The following PCDHA3 variants were observed in gnomAD, a reference collection of about 807,000 sequenced individuals.
The protein encoded by PCDHA3 is protocadherin alpha 3.
In PCDHA3, 41 loss-of-function variants were observed where a neutral mutation model predicts 62.2. That is an observed-to-expected ratio of 0.66 (90% CI 0.51 to 0.86). The LOEUF (loss-of-function observed/expected upper bound fraction) is 0.86. Among genes scored for constraint, PCDHA3 ranks in the 40% least tolerant of loss-of-function variants. PCDHA3 has a pLI of 0.00. For synonymous variants in PCDHA3, 640 were observed against 555.4 expected (o/e 1.15, Z -2.14); for missense variants, 1,304 against 1,241.2 (o/e 1.05, Z -0.76).
rs2150163001 is a variant in PCDHA3 at position 140,829,146 on chromosome 5, T to G, written c.2394+25555T>G. The G allele has an allele frequency of 1.9e-6, 3 of 1,613,730 alleles. No individual in the cohort carries two copies. Among genetic ancestry groups the G allele is most frequent in the Non-Finnish European group, 1.7e-6 (2 of 1,179,704 alleles). ...AATGATAACGTCCCTGAGATAGCAC[T>G]GACTTCCTTATCCTTGCCTGTACGT... On this transcript the variant is annotated intron_variant, in intron 1 of 3. Coordinates refer to ENST00000522353, the MANE Select transcript of PCDHA3 (RefSeq NM_018906.3).
intron 1 of PCDHA3, chr5:140,808,556 C>A: frequency 1.2e-6 from 2 of 1,614,130 alleles, no homozygotes; most frequent in Admixed American, 3.3e-5. Flanking sequence ...GGCGTTCGCG[C>A]AGCCCGAGTA....
At chr5:140,960,785 A>C (rs1452809407) in intron 1 of PCDHA3, among the ~76,000 whole-genome samples, 2 of 152,200 alleles carry the variant, frequency 1.3e-5, no homozygotes, top group Admixed American at 1.3e-4. Context: ...AGGGCCAAAC[A>C]AGGTTTCTAT....
intron 1 of PCDHA3, chr5:140,813,568 T>G (rs1459643062): frequency 6.6e-6 from 1 of 152,268 alleles, no homozygotes; most frequent in Non-Finnish European, 1.5e-5. Context: ...GAATGGAGAC[T>G]GCGGGGCTGG....
At chr5:140,825,959 T>C (rs1434784676) in intron 1 of PCDHA3, 5 of 152,496 alleles carry the variant, frequency 3.3e-5, no homozygotes, top group African/African-American at 1.2e-4. Context: ...ATTTGTCTAC[T>C]CTTTTGAGGG....
At chr5:140,946,345 G>A (rs1292610586) in intron 1 of PCDHA3, among the ~76,000 whole-genome samples, 1 of 151,836 alleles carries the variant, frequency 6.6e-6, no homozygotes, top group Non-Finnish European at 1.5e-5. Flanking sequence ...GTGATGGAGA[G>A]GATGTGGAGA....
intron 1 of PCDHA3, chr5:140,858,795 C>A: frequency 2.6e-6 from 1 of 379,570 alleles, no homozygotes; most frequent in Non-Finnish European, 4.8e-6. Context: ...ATTTCATTTC[C>A]AATCTAAATT....
chr5:140,805,306 T>TC, intron 1 of PCDHA3: 1 of 1,274,934 alleles, frequency 7.8e-7, no homozygotes, highest in Non-Finnish European at 9.9e-7. Flanking sequence ...GAATTCTTCC[T>TC]CCTTTTTTCC....
At chr5:140,957,189 G>T (rs1376112973) in intron 1 of PCDHA3, among the ~76,000 whole-genome samples, 1 of 152,174 alleles carries the variant, frequency 6.6e-6, no homozygotes, top group South Asian at 2.1e-4. Context: ...ATTGATGACC[G>T]ATTGGGAATA....
At chr5:140,909,065 A>G (rs1402526950) in intron 1 of PCDHA3, among the ~76,000 whole-genome samples, 3 of 152,218 alleles carry the variant, frequency 2.0e-5, no homozygotes, top group Admixed American at 6.5e-5. Flanking sequence ...TGTCTCACCA[A>G]TAAGCCCAGT....
chr5:140,817,546 C>T (rs1334430730), intron 1 of PCDHA3: 1 of 152,194 alleles, frequency 6.6e-6, no homozygotes, highest in East Asian at 1.9e-4. Context: ...TTATAACACA[C>T]ATCCTTGACT....
At chr5:140,948,903 CTTAGGTAACTGA>C (rs1213410342) in intron 1 of PCDHA3, among the ~76,000 whole-genome samples, 1 of 151,196 alleles carries the variant, frequency 6.6e-6, no homozygotes, top group Non-Finnish European at 1.5e-5. Context: ...TAAGTGGATT[CTTAGGTAACTGA>C]TTAGGTAACT....
intron 1 of PCDHA3, chr5:140,883,019 G>A (rs1554176509): frequency 1.2e-6 from 2 of 1,613,986 alleles, no homozygotes; most frequent in South Asian, 1.1e-5. Flanking sequence ...TAAAGTGACG[G>A]TGTTAGAGAA....
At chr5:140,884,318 G>A (rs1345534362) in intron 1 of PCDHA3, 1 of 1,613,692 alleles carries the variant, frequency 6.2e-7, no homozygotes, top group Non-Finnish European at 8.5e-7. Flanking sequence ...GAGGGCGTCG[G>A]CAGGCGCTGT....
chr5:141,003,715 G>A (rs561348265), intron 3 of PCDHA3, among the ~76,000 whole-genome samples: 21 of 152,240 alleles, frequency 1.4e-4, no homozygotes, highest in African/African-American at 2.2e-4. Flanking sequence ...TGAAGATATC[G>A]GCTAATCCAA....
intron 1 of PCDHA3, chr5:140,863,366 C>A: frequency 8.4e-7 from 1 of 1,190,444 alleles, no homozygotes; most frequent in Non-Finnish European, 1.2e-6. Context: ...CGGTGCTTGG[C>A]GCAGCTCACC....
chr5:140,993,539 T>C (rs1433781690), intron 3 of PCDHA3, among the ~76,000 whole-genome samples: 7 of 128,018 alleles, frequency 5.5e-5, no homozygotes, highest in Non-Finnish European at 1.0e-4. Flanking sequence ...GAGAGAGAGA[T>C]AGAGAAGTGA....
At chr5:140,995,629 T>C (rs1333793289) in intron 3 of PCDHA3, among the ~76,000 whole-genome samples, 1 of 152,164 alleles carries the variant, frequency 6.6e-6, no homozygotes, top group Admixed American at 6.5e-5. Context: ...TTGGAAACTT[T>C]GGAGTGTTTA....
rs1383515995 is a variant in PCDHA3 at position 140,856,091 on chromosome 5, C to T, written c.2394+52500C>T. The stretch of plus-strand genomic sequence containing the variant: ...CTGCCTGGGGGTCCAGTGTCTGCTG[C>T]TCTCGCTTCTTCTCCTCGCAGCCTG... On this transcript the variant is annotated intron_variant, in intron 1 of 3. Coordinates refer to ENST00000522353, the MANE Select transcript of PCDHA3 (RefSeq NM_018906.3). 13 of 1,597,006 alleles carry T rather than the reference C, an allele frequency of 8.1e-6. 1 individual carries two copies. The highest frequency in any genetic ancestry group is 1.3e-5 in the African/African-American group (1 of 74,304).
chr5:140,803,786 T>G, intron 1 of PCDHA3, 195 bp downstream of exon 1: 1 of 862,140 alleles, frequency 1.2e-6, no homozygotes, highest in Non-Finnish European at 1.7e-6. Context: ...CAGTAAGTTA[T>G]GATATCCACA....
Sources: gnomAD v4.1 joint callset for allele counts (sites outside exome capture counted in the v4.1 genomes callset) on GRCh38, gnomAD v4.1.1 for gene constraint, MANE v1.5 for transcripts, NCBI Gene and HGNC (gene_info 2026-07-23, HGNC 2026-07-21) for gene names.